The following SPAG16 variants were observed in gnomAD, a reference collection of about 807,000 sequenced individuals.
SPAG16 encodes the protein sperm associated antigen 16.
Under a neutral mutation model 80.4 loss-of-function variants are expected in SPAG16, and 86 were observed. The ratio of observed to expected loss-of-function variants is 1.07; its 90% CI spans 0.90 to 1.28. The LOEUF (loss-of-function observed/expected upper bound fraction) is 1.28, where lower values mean the gene tolerates loss of function less well. SPAG16 is among the 50% of genes most tolerant of loss of function. SPAG16 has a pLI of 0.00. For missense variants in SPAG16, 870 were observed against 765.3 expected, an observed-to-expected ratio of 1.14 and a Z score of -1.61; for synonymous variants, 294 against 265.9, an observed-to-expected ratio of 1.11 and a Z score of -1.03.
intron 8 of SPAG16, among the ~76,000 whole-genome samples, chr2:213,370,038 G>A (rs748629880): frequency 6.6e-6 from 1 of 152,134 alleles, no homozygotes; most frequent in Non-Finnish European, 1.5e-5. Context: ...AAAACCTTTT[G>A]TGCTTTGCGT....
At chr2:214,401,816 G>A (rs1049894522) in intron 15 of SPAG16, among the ~76,000 whole-genome samples, 5 of 151,860 alleles carry the variant, frequency 3.3e-5, no homozygotes, top group African/African-American at 1.2e-4. Flanking sequence ...AATGTAACAT[G>A]TTCAAACCTA....
intron 12 of SPAG16, among the ~76,000 whole-genome samples, chr2:213,971,501 AAC>A (rs146223547): frequency 0.15 from 23,327 of 152,102 alleles, 2,091 homozygotes; most frequent in Non-Finnish European, 0.2. Context: ...AAACATATGT[AAC>A]ACACAGTTTT....
intron 9 of SPAG16, among the ~76,000 whole-genome samples, chr2:213,487,207 G>A (rs193223184): frequency 3.9e-4 from 59 of 152,004 alleles, no homozygotes; most frequent in Non-Finnish European, 4.4e-5. Flanking sequence ...ATTTATTTGG[G>A]GTGTGACTCA....
At chr2:214,143,985 C>A (rs2125547548) in intron 14 of SPAG16, among the ~76,000 whole-genome samples, 1 of 152,120 alleles carries the variant, frequency 6.6e-6, no homozygotes, top group South Asian at 2.1e-4. Context: ...TAGCAAGACC[C>A]TGTCTATAAA....
At chr2:213,449,367 T>A (rs1428857716) in intron 9 of SPAG16, among the ~76,000 whole-genome samples, 1 of 152,204 alleles carries the variant, frequency 6.6e-6, no homozygotes, top group Non-Finnish European at 1.5e-5. Flanking sequence ...GTGATCTTTG[T>A]TAGACCCTTA....
At chr2:213,325,884 C>T (rs751856336) in intron 5 of SPAG16, among the ~76,000 whole-genome samples, 18 of 151,918 alleles carry the variant, frequency 1.2e-4, no homozygotes, top group Non-Finnish European at 2.4e-4. Context: ...ATCTCTGTGC[C>T]TGGTACATAG....
chr2:213,823,235 A>G (rs879892639), intron 10 of SPAG16, among the ~76,000 whole-genome samples: 25 of 152,102 alleles, frequency 1.6e-4, no homozygotes, highest in Non-Finnish European at 2.2e-4. Flanking sequence ...GCCAACATCT[A>G]TTGTTTCCAG....
At chr2:213,499,317 T>C (rs1452920256) in intron 10 of SPAG16, among the ~76,000 whole-genome samples, 1 of 152,162 alleles carries the variant, frequency 6.6e-6, no homozygotes, top group African/African-American at 2.4e-5. Flanking sequence ...AAATGCATAA[T>C]ACAGGGGTGC....
chr2:214,296,173 T>C (rs1223836978), intron 15 of SPAG16, among the ~76,000 whole-genome samples: 1 of 152,218 alleles, frequency 6.6e-6, no homozygotes, highest in Admixed American at 6.5e-5. Flanking sequence ...TGTTTCTGAG[T>C]TATTTCACTT....
rs75157562 is a variant in SPAG16, at chr2:213,654,843, T to C, written c.1070+164753T>C. On this transcript the variant is annotated intron_variant, in intron 10 of 15. Coordinates refer to ENST00000331683, the MANE Select transcript of SPAG16 (RefSeq NM_024532.5). Reference sequence around the variant, plus strand: ...TAAATGTCAATGGAGAAAAAAGGAATAATGCCAATACTATCAAAAATAATT... The same window carrying C: ...TAAATGTCAATGGAGAAAAAAGGAACAATGCCAATACTATCAAAAATAATT... Among the ~76,000 whole-genome samples the C allele has an allele frequency of 5.6e-3, 853 of 152,248 alleles. 13 individuals are homozygous for C. The highest frequency in any genetic ancestry group is 0.02 in the African/African-American group (813 of 41,544).
chr2:213,868,502 G>A (rs1421661270), intron 11 of SPAG16, among the ~76,000 whole-genome samples: 2 of 152,128 alleles, frequency 1.3e-5, no homozygotes, highest in African/African-American at 2.4e-5. Context: ...TAAAACTCAT[G>A]CTACATTACT....
At chr2:214,220,533 C>T (rs1357818496) in intron 15 of SPAG16, among the ~76,000 whole-genome samples, 1 of 152,094 alleles carries the variant, frequency 6.6e-6, no homozygotes. Context: ...CTCAGACTCC[C>T]CATTCACACC....
At chr2:213,318,456 C>A (rs2063489821) in intron 5 of SPAG16, among the ~76,000 whole-genome samples, 1 of 151,804 alleles carries the variant, frequency 6.6e-6, no homozygotes, top group South Asian at 2.1e-4. Flanking sequence ...GCAATAAGTA[C>A]ATATGGACAT....
intron 10 of SPAG16, among the ~76,000 whole-genome samples, chr2:213,581,222 T>G (rs2060286995): frequency 6.6e-6 from 1 of 152,040 alleles, no homozygotes; most frequent in Non-Finnish European, 1.5e-5. Flanking sequence ...CCTTTTATAC[T>G]CTATTTCTTT....
intron 12 of SPAG16, among the ~76,000 whole-genome samples, chr2:214,000,494 G>C (rs933563825): frequency 6.6e-6 from 1 of 152,156 alleles, no homozygotes; most frequent in African/African-American, 2.4e-5. Flanking sequence ...TGTCTCTTCA[G>C]AGAACACGAA....
chr2:214,146,857 G>A (rs1466403440), intron 14 of SPAG16, among the ~76,000 whole-genome samples: 1 of 151,946 alleles, frequency 6.6e-6, no homozygotes, highest in Non-Finnish European at 1.5e-5. Context: ...AAAATTAGCC[G>A]GGTGTGGTGG....
At chr2:214,000,448 A>G (rs1400036785) in intron 12 of SPAG16, among the ~76,000 whole-genome samples, 1 of 152,180 alleles carries the variant, frequency 6.6e-6, no homozygotes, top group African/African-American at 2.4e-5. Flanking sequence ...TGTCTTTATC[A>G]GCAGCATGAA....
chr2:214,257,443 C>T (rs930729666), intron 15 of SPAG16, among the ~76,000 whole-genome samples: 2 of 151,976 alleles, frequency 1.3e-5, no homozygotes, highest in African/African-American at 4.8e-5. Flanking sequence ...GGTATTCTTG[C>T]TTTGTTCCCC....
chr2:214,407,148 C>G (rs1322249043), intron 15 of SPAG16, among the ~76,000 whole-genome samples: 1 of 151,800 alleles, frequency 6.6e-6, no homozygotes, highest in African/African-American at 2.4e-5. Context: ...TCAATTTTGA[C>G]CATTTTTATT....
Sources: allele counts gnomAD v4.1 joint callset (sites outside exome capture counted in the v4.1 genomes callset), GRCh38; gene constraint gnomAD v4.1.1; transcripts MANE v1.5; gene names NCBI Gene and HGNC (gene_info 2026-07-23, HGNC 2026-07-21).